The following LPO variants were observed in gnomAD, a reference collection of about 807,000 sequenced individuals.
The protein encoded by LPO is lactoperoxidase, also known as salivary peroxidase.
LPO carries 70 observed loss-of-function variants against 68.4 expected under a neutral mutation model. The ratio of observed to expected loss-of-function variants is 1.02; its 90% CI spans 0.84 to 1.25. LPO has a LOEUF of 1.25. Ranked by LOEUF, LPO falls within the 50% of genes most tolerant of loss-of-function variation. The probability of loss-of-function intolerance (pLI) is 0.00; values close to 1 mark genes in which losing one functional copy is unlikely to be tolerated. For missense variants in LPO, 873 were observed against 908.4 expected, an observed-to-expected ratio of 0.96 and a Z score of 0.50; for synonymous variants, 360 against 357.6, an observed-to-expected ratio of 1.01 and a Z score of -0.08.
intron 9 of LPO, among the ~76,000 whole-genome samples, chr17:58,256,798 G>A (rs1970081496): frequency 6.8e-6 from 1 of 146,860 alleles, no homozygotes; most frequent in Non-Finnish European, 1.5e-5. Flanking sequence ...CTGCACTCCA[G>A]CCTGGGCAAC....
In LPO at chr17:58,247,599, A is replaced by G. The variant is rs777226040; in HGVS notation, c.286A>G (p.Lys96Glu). 1.2e-6 allele frequency: 2 copies of G among 1,614,146 alleles called. No individual in the cohort carries two copies. The highest frequency in any genetic ancestry group is 1.7e-6 in the Non-Finnish European group (2 of 1,180,026). ...RNGQVWEESL[K>E]RLRQKASLTN... ...TGGACAGGTGTGGGAGGAGTCTTTAAAGAGACTGAGGCAGAAGGCATCCTT... is the reference window on the plus strand; with the variant it reads ...TGGACAGGTGTGGGAGGAGTCTTTAGAGAGACTGAGGCAGAAGGCATCCTT... The change falls in exon 4 of 13, where the codon AAG (lysine) becomes GAG (glutamate). Residue 96 changes from lysine (K) to glutamate (E), a missense_variant. By Grantham distance (56) the Lys-to-Glu change is moderately conservative (BLOSUM62 1). Coordinates refer to ENST00000262290, the MANE Select transcript of LPO (RefSeq NM_006151.3).
chr17:58,254,367 T>C (rs1201211786), intron 8 of LPO, among the ~76,000 whole-genome samples: 1 of 152,038 alleles, frequency 6.6e-6, no homozygotes, highest in Non-Finnish European at 1.5e-5. Context: ...TTACCCAAGC[T>C]CCTCACCTCA....
intron 8 of LPO, among the ~76,000 whole-genome samples, chr17:58,254,341 C>A (rs1466236687): frequency 1.3e-5 from 2 of 152,036 alleles, no homozygotes; most frequent in Non-Finnish European, 2.9e-5. Context: ...CCTTTATTAC[C>A]CAGAGGAACT....
Position 58,268,219 on chromosome 17 carries a change from G to A in LPO, c.*225G>A, listed in dbSNP as rs1278612907. The A allele has an allele frequency of 5.4e-6, 3 of 557,306 alleles. No individual in the cohort carries two copies. Among genetic ancestry groups the A allele is most frequent in the Non-Finnish European group, 9.6e-6 (3 of 311,112 alleles). The allele number at this position is 557,306 out of a possible 1,614,324, so 34.5% of individuals were successfully genotyped here. A position where few individuals can be genotyped will look rare whatever the true frequency, so the allele number is the denominator to read the frequency against. ...GGCTTCTCCTTTCTGTCAAGACTTA[G>A]CCCCGCTGAGATGCCCTTCTGCTCC... On this transcript the variant is annotated 3_prime_UTR_variant, in exon 13 of 13. Coordinates refer to ENST00000262290, the MANE Select transcript of LPO (RefSeq NM_006151.3).
chr17:58,241,608 C>G (rs1886756532), intron 1 of LPO, among the ~76,000 whole-genome samples: 1 of 152,074 alleles, frequency 6.6e-6, no homozygotes, highest in Non-Finnish European at 1.5e-5. Flanking sequence ...ACTATAAGGA[C>G]AAGAGCCCAC....
chr17:58,251,130 T>C (rs1969952146), intron 7 of LPO: 1 of 161,290 alleles, frequency 6.2e-6, no homozygotes, highest in Non-Finnish European at 1.4e-5. Context: ...AATACAAAAA[T>C]TAGCCTGGCG....
At position 58,249,162 on chromosome 17, in the gene LPO, G is replaced by A. The variant is rs146661439; in HGVS notation, c.428G>A (p.Gly143Glu). The change falls in exon 5 of 13, where the codon GGA becomes GAA. Residue 143 changes from glycine to glutamate, a missense_variant. By Grantham distance (98) the Gly-to-Glu change is moderately conservative (BLOSUM62 -2). Coordinates refer to ENST00000262290, the MANE Select transcript of LPO (RefSeq NM_006151.3). ...DPCSPYRTITGDCNNRRKPAL... is the reference protein window; with the variant it reads ...DPCSPYRTITEDCNNRRKPAL... ...TGCAGCCCTTACCGCACCATTACGG[G>A]AGACTGCAATAACAGGTGGCGGGGC... 3.8e-4 allele frequency: 614 copies of A among 1,614,000 alleles called. 4 individuals are homozygous for A. Among genetic ancestry groups the A allele is most frequent in the Admixed American group, 3.0e-4 (18 of 60,008 alleles).
chr17:58,241,125 CTTTTTTTT>C (rs1161572564), intron 1 of LPO, among the ~76,000 whole-genome samples: 56 of 91,278 alleles, frequency 6.1e-4, no homozygotes, highest in Non-Finnish European at 8.0e-4. Context: ...TTTCTTTTTT[CTTTTTTTT>C]TTTTTTTTTT....
rs1970290224 is a variant in LPO, at chr17:58,267,443, G to T, written c.1788G>T (p.Lys596Asn). The T allele has an allele frequency of 6.2e-7, 1 of 1,614,248 alleles. No individual in the cohort carries two copies. The highest frequency in any genetic ancestry group is 8.5e-7 in the Non-Finnish European group (1 of 1,180,042). Residue 596 changes from lysine to asparagine, a missense_variant, in exon 12 of 13, where the codon AAG becomes AAT. By Grantham distance (94) the Lys-to-Asn change is moderately conservative (BLOSUM62 0). Coordinates refer to ENST00000262290, the MANE Select transcript of LPO (RefSeq NM_006151.3). ...TGAAGAGCAAGATGCTGGCCAAGAA[G>T]TTACTGGGTCTCTACGGGACCCCTG... ...TVLKSKMLAK[K>N]LLGLYGTPDN...
In LPO at chr17:58,268,253, G is replaced by C; in HGVS notation, c.*259G>C. The stretch of plus-strand genomic sequence containing the variant: ...AGATGCCCTTCTGCTCCAGCTTGCT[G>C]GATGTTACCTGTCCTCTTCCCTCCA... On this transcript the variant is annotated 3_prime_UTR_variant, in exon 13 of 13. Transcript: ENST00000262290. 9.8e-6 allele frequency: 5 copies of C among 508,796 alleles called. No individual in the cohort carries two copies. The South Asian group carries it at 1.1e-4, about 11-fold the overall frequency. The allele number at this position is 508,796 out of a possible 1,614,324, so 31.5% of individuals were successfully genotyped here.
chr17:58,245,944 G>C (rs1969846457), intron 3 of LPO, among the ~76,000 whole-genome samples: 1 of 152,210 alleles, frequency 6.6e-6, no homozygotes, highest in Non-Finnish European at 1.5e-5. Flanking sequence ...TTCCCTGCTG[G>C]TTAGTCCTTG....
rs1240684439 is a variant in LPO, at chr17:58,267,836, C to G, written c.1981C>G (p.Leu661Val). 3.7e-6 allele frequency: 6 copies of G among 1,614,158 alleles called. No individual in the cohort carries two copies. In the Admixed American group the frequency reaches 6.7e-5, roughly 18 times the overall value. Residue 661 changes from leucine to valine, a missense_variant, in exon 13 of 13, where the codon CTA (leucine) becomes GTA (valine). Coordinates refer to ENST00000262290, the MANE Select transcript of LPO (RefSeq NM_006151.3). ...GVFTNEQKDS[L>V]QKMSFSRLVC... is the part of the protein sequence containing the mutation. ...CTTCACGAACGAGCAGAAGGACTCT[C>G]TACAGAAAATGTCCTTCTCACGCCT...
chr17:58,244,131 ACTTCCCTT>A, intron 3 of LPO, 50 bp downstream of exon 3: 1 of 1,200,076 alleles, frequency 8.3e-7, no homozygotes. Context: ...ACACACACAC[ACTTCCCTT>A]CACAGGCTTC....
chr17:58,242,449 C>A (rs1168752437), intron 1 of LPO, among the ~76,000 whole-genome samples: 2 of 152,186 alleles, frequency 1.3e-5, no homozygotes. Flanking sequence ...CTCAGGCATT[C>A]TCTCCTGGGG....
intron 6 of LPO, 72 bp from the exon 7 acceptor site, chr17:58,250,343 G>A (rs904834485): frequency 1.7e-6 from 2 of 1,164,474 alleles, no homozygotes; most frequent in Non-Finnish European, 2.6e-6. Flanking sequence ...TAGTTAATAA[G>A]CTGTAGTTGC....
chr17:58,250,577 T>A lies in LPO; in HGVS notation c.736T>A (p.Cys246Ser), dbSNP rs750368072. Residue 246 changes from cysteine to serine, a missense_variant, in exon 7 of 13, where the codon TGT (cysteine) becomes AGT (serine). By Grantham distance (112) the Cys-to-Ser change is moderately radical. Transcript: ENST00000262290. ...LGSSEYSKAQ[C>S]DEYCIQGDNC... ...GAGTAGCGAGTACTCCAAAGCCCAG[T>A]GTGATGAGTACTGTATCCAGGGAGA... The A allele has an allele frequency of 6.2e-7, 1 of 1,613,978 alleles. No homozygotes were observed. Among genetic ancestry groups the A allele is most frequent in the Non-Finnish European group, 8.5e-7 (1 of 1,180,030 alleles).
At chr17:58,267,250 G>C in intron 11 of LPO, 99 bp from the exon 12 acceptor site, 1 of 879,144 alleles carries the variant, frequency 1.1e-6, no homozygotes, top group Non-Finnish European at 1.8e-6. Context: ...TGTAAGCCCA[G>C]ACTTTCTAGG....
chr17:58,243,273 G>C, intron 2 of LPO: 1 of 524,728 alleles, frequency 1.9e-6, no homozygotes, highest in Non-Finnish European at 3.4e-6. Context: ...GTGTTCCCTG[G>C]CTTGTAGCTG....
At chr17:58,267,292 A>T in intron 11 of LPO, 57 bp from the exon 12 acceptor site, 1 of 1,393,000 alleles carries the variant, frequency 7.2e-7, no homozygotes, top group Non-Finnish European at 1.0e-6. Flanking sequence ...ATGGCCCCAA[A>T]GGAGGCTGTG....
Sources: gnomAD v4.1 joint callset for allele counts (sites outside exome capture counted in the v4.1 genomes callset) on GRCh38, gnomAD v4.1.1 for gene constraint, MANE v1.5 for transcripts, NCBI Gene and HGNC (gene_info 2026-07-23, HGNC 2026-07-21) for gene names.